STS: variants seen among roughly 807,000 people sequenced by gnomAD.
STS encodes steryl-sulfatase.
In STS, 7 loss-of-function variants were observed where a neutral mutation model predicts 26.8. The ratio of observed to expected loss-of-function variants is 0.26; its 90% CI spans 0.15 to 0.49. The LOEUF is 0.49. Ranked by LOEUF, STS falls within the 20% of genes least tolerant of loss-of-function variation. The pLI, the probability that STS is intolerant of heterozygous loss-of-function variation, is 0.98. For missense variants in STS, 434 were observed against 465.6 expected, an observed-to-expected ratio of 0.93 and a Z score of 0.63; for synonymous variants, 199 against 189.4, an observed-to-expected ratio of 1.05 and a Z score of -0.42.
intron 1 of STS, among the ~76,000 whole-genome samples, chrX:7,185,511 C>T (rs943441105): frequency 8.9e-6 from 1 of 112,260 alleles, no homozygotes; most frequent in Non-Finnish European, 1.9e-5. Flanking sequence ...GTTCACAATT[C>T]CATTATTATT....
intron 1 of STS, among the ~76,000 whole-genome samples, chrX:7,175,083 G>A (rs1356711456): frequency 9.3e-6 from 1 of 107,444 alleles, no homozygotes; most frequent in Non-Finnish European, 1.9e-5. Context: ...CAGTATCCAT[G>A]GAGACAGTGT....
At chrX:7,340,845 G>A (rs1161871785) in intron 10 of STS, among the ~76,000 whole-genome samples, 5 of 111,508 alleles carry the variant, frequency 4.5e-5, no homozygotes, top group Non-Finnish European at 9.4e-5. Flanking sequence ...TACCCTAAAC[G>A]CATACAATGG....
intron 10 of STS, among the ~76,000 whole-genome samples, chrX:7,337,999 G>A (rs922742655): frequency 9.0e-6 from 1 of 111,238 alleles, no homozygotes; most frequent in African/African-American, 3.3e-5. Flanking sequence ...TAATGTCTTC[G>A]CTATAATTTA....
intron 2 of STS, among the ~76,000 whole-genome samples, chrX:7,203,548 G>A (rs1376973940): frequency 1.8e-5 from 2 of 111,466 alleles, no homozygotes; most frequent in Non-Finnish European, 3.8e-5. Context: ...TTCTCCATCA[G>A]TAGGAATACA....
chrX:7,299,008 TTA>T (rs1292993542), intron 7 of STS, among the ~76,000 whole-genome samples: 26 of 76,917 alleles, frequency 3.4e-4, no homozygotes, highest in South Asian at 6.1e-4. Context: ...AATTATATAT[TTA>T]TATATATATA....
At chrX:7,189,838 A>G (rs1180055693) in intron 1 of STS, among the ~76,000 whole-genome samples, 2 of 111,238 alleles carry the variant, frequency 1.8e-5, no homozygotes, top group African/African-American at 6.6e-5. Flanking sequence ...AGGTGCTATA[A>G]TAGTCAACAG....
intron 1 of STS, among the ~76,000 whole-genome samples, chrX:7,159,365 C>G (rs1276052083): frequency 8.9e-6 from 1 of 111,786 alleles, no homozygotes; most frequent in Non-Finnish European, 1.9e-5. Context: ...GCTCTTGGCA[C>G]TGTGTTGTAT....
chrX:7,306,760 C>T (rs1049531028), intron 8 of STS, among the ~76,000 whole-genome samples: 2 of 111,949 alleles, frequency 1.8e-5, no homozygotes, highest in Admixed American at 9.5e-5. Context: ...TGGGTCTGTG[C>T]CTCTGCTTTC....
chrX:7,343,159 A>T (rs1928368200), intron 10 of STS, among the ~76,000 whole-genome samples: 1 of 111,643 alleles, frequency 9.0e-6, no homozygotes, highest in Non-Finnish European at 1.9e-5. Context: ...ACCTTCTATG[A>T]TATATACATG....
chrX:7,351,650 CTT>C lies in STS; in HGVS notation c.*1392_*1393del, dbSNP rs1413353860. 3 of 111,840 alleles carry C rather than the reference CTT, an allele frequency of 2.7e-5. No homozygotes were observed. Among genetic ancestry groups the C allele is most frequent in the Admixed American group, 9.5e-5 (1 of 10,489 alleles). 9.2% of individuals were successfully genotyped at this position (111,840 alleles called of 1,213,427 possible). On this transcript the variant is annotated 3_prime_UTR_variant, in exon 11 of 11. Coordinates refer to ENST00000674429, the MANE Select transcript of STS (RefSeq NM_001320752.2). The stretch of plus-strand genomic sequence containing the variant: ...CATCCACCTGCTTATGCATTTATCT[CTT>C]TTGTGGACTTGTCTGACCACCTTCT...
chrX:7,182,587 A>C (rs186418225), intron 1 of STS, among the ~76,000 whole-genome samples: 1 of 111,072 alleles, frequency 9.0e-6, no homozygotes, highest in Non-Finnish European at 1.9e-5. Flanking sequence ...AACAACAGTA[A>C]GTGCGCATGG....
intron 7 of STS, among the ~76,000 whole-genome samples, chrX:7,288,956 G>T (rs1301606846): frequency 9.0e-6 from 1 of 111,580 alleles, no homozygotes; most frequent in Non-Finnish European, 1.9e-5. Context: ...CATCTAGCTA[G>T]ATCCACCCTT....
chrX:7,170,844 A>T (rs771902950), intron 1 of STS, among the ~76,000 whole-genome samples: 1 of 111,059 alleles, frequency 9.0e-6, no homozygotes, highest in African/African-American at 3.3e-5. Context: ...AATTTCTTTA[A>T]CTATTTAACA....
intron 3 of STS, among the ~76,000 whole-genome samples, chrX:7,255,101 T>C (rs193180263): frequency 3.9e-4 from 44 of 112,607 alleles, no homozygotes; most frequent in African/African-American, 1.2e-3. Context: ...CCACAAGACA[T>C]AGCCAAATAT....
chrX:7,259,218 T>A, intron 5 of STS, 131 bp from the exon 6 acceptor site: 3 of 663,591 alleles, frequency 4.5e-6, no homozygotes, highest in Non-Finnish European at 7.2e-6. Context: ...AATTCTAGGG[T>A]CCTATGAGCG....
At chrX:7,287,902 C>T (rs866651851) in intron 7 of STS, among the ~76,000 whole-genome samples, 7 of 110,290 alleles carry the variant, frequency 6.3e-5, no homozygotes, top group East Asian at 2.8e-4. Flanking sequence ...TCAATGAGAA[C>T]GCTAATTTCC....
intron 10 of STS, among the ~76,000 whole-genome samples, chrX:7,347,725 T>C (rs908283302): frequency 1.6e-4 from 18 of 111,837 alleles, no homozygotes; most frequent in African/African-American, 5.5e-4. Context: ...ATTTGCATCA[T>C]TGGGAGCATG....
At chrX:7,206,386 T>C in intron 2 of STS, among the ~76,000 whole-genome samples, 1 of 112,343 alleles carries the variant, frequency 8.9e-6, no homozygotes, top group Non-Finnish European at 1.9e-5. Flanking sequence ...ATTTATCATG[T>C]TCCGCATGCC....
At chrX:7,208,673 T>C (rs929476223) in intron 2 of STS, among the ~76,000 whole-genome samples, 1 of 111,872 alleles carries the variant, frequency 8.9e-6, no homozygotes, top group Admixed American at 9.6e-5. Context: ...TCCTTCCTTA[T>C]ATTTTTCCTT....
Sources: allele counts gnomAD v4.1 joint callset (sites outside exome capture counted in the v4.1 genomes callset), GRCh38; gene constraint gnomAD v4.1.1; transcripts MANE v1.5; gene names NCBI Gene and HGNC (gene_info 2026-07-23, HGNC 2026-07-21).